SVIL: variants seen among roughly 807,000 people sequenced by gnomAD.
SVIL encodes supervillin, also known as archvillin.
A neutral mutation model predicts 240.4 loss-of-function variants in SVIL; 101 were observed. That is an observed-to-expected ratio of 0.42 (90% CI 0.36 to 0.50). SVIL has a LOEUF of 0.50. SVIL is among the 20% of genes least tolerant of loss of function. SVIL has a pLI of 0.01. For missense variants in SVIL, 2,512 were observed against 2,818.7 expected, an observed-to-expected ratio of 0.89 and a Z score of 2.46; for synonymous variants, 999 against 1,100.0, an observed-to-expected ratio of 0.91 and a Z score of 1.82.
At chr10:29,654,677 C>T (rs1958943822) in intron 3 of SVIL, among the ~76,000 whole-genome samples, 1 of 152,050 alleles carries the variant, frequency 6.6e-6, no homozygotes, top group South Asian at 2.1e-4. Flanking sequence ...CTGAGAAGTC[C>T]CACAACCGGT....
intron 11 of SVIL, among the ~76,000 whole-genome samples, chr10:29,530,297 C>T (rs79614672): frequency 1.2e-5 from 1 of 80,758 alleles, no homozygotes; most frequent in Non-Finnish European, 3.3e-5. Flanking sequence ...GTATTGTTGT[C>T]AGAAGTGTAC....
At chr10:29,584,334 G>A (rs1160396186) in intron 1 of SVIL, among the ~76,000 whole-genome samples, 3 of 152,176 alleles carry the variant, frequency 2.0e-5, no homozygotes, top group African/African-American at 7.2e-5. Flanking sequence ...GGGGTTCAGG[G>A]TTCCAAGCTA....
intron 1 of SVIL, among the ~76,000 whole-genome samples, chr10:29,586,517 C>G (rs7069037): frequency 3.2e-4 from 48 of 152,246 alleles, no homozygotes; most frequent in African/African-American, 1.1e-3. Context: ...ACGCAGGTCC[C>G]TTGGCTCCTA....
intron 3 of SVIL, among the ~76,000 whole-genome samples, chr10:29,657,692 G>C (rs1010377983): frequency 6.6e-6 from 1 of 152,152 alleles, no homozygotes; most frequent in African/African-American, 2.4e-5. Context: ...AAGCTTTCCT[G>C]TTCTTTCCTG....
chr10:29,714,971 G>GA (rs1191879476), intron 1 of SVIL, among the ~76,000 whole-genome samples: 2 of 133,038 alleles, frequency 1.5e-5, no homozygotes, highest in African/African-American at 5.6e-5. Flanking sequence ...AAAAAAAGAA[G>GA]AAAAAGAAAA....
chr10:29,608,368 G>A (rs1357088037), intron 1 of SVIL, among the ~76,000 whole-genome samples: 1 of 152,244 alleles, frequency 6.6e-6, no homozygotes, highest in Non-Finnish European at 1.5e-5. Context: ...GCTGCAGTGG[G>A]GAAGCCATGG....
chr10:29,658,536 T>G (rs773075418), intron 2 of SVIL, among the ~76,000 whole-genome samples: 6 of 152,214 alleles, frequency 3.9e-5, no homozygotes, highest in Admixed American at 6.5e-5. Flanking sequence ...GTGGGAGGAC[T>G]GCTTGAGGCC....
At chr10:29,713,298 A>G (rs559872960) in intron 1 of SVIL, among the ~76,000 whole-genome samples, 1 of 150,020 alleles carries the variant, frequency 6.7e-6, no homozygotes, top group South Asian at 2.1e-4. Context: ...GTGCATGTGA[A>G]CGTGGTCTAT....
At chr10:29,629,476 A>G (rs1043871183) in intron 1 of SVIL, among the ~76,000 whole-genome samples, 1 of 152,134 alleles carries the variant, frequency 6.6e-6, no homozygotes, top group Non-Finnish European at 1.5e-5. Flanking sequence ...TGCAGTAACA[A>G]GACTGCAGGT....
chr10:29,708,244 T>G (rs1589554188), intron 1 of SVIL, among the ~76,000 whole-genome samples: 4 of 105,444 alleles, frequency 3.8e-5, no homozygotes, highest in Admixed American at 1.4e-4. Context: ...GGAGACAGAG[T>G]GAGACTCCAT....
At chr10:29,529,175 CAAAAAAAAAAAAAAAA>C (rs66523560) in intron 12 of SVIL, among the ~76,000 whole-genome samples, 1 of 66,070 alleles carries the variant, frequency 1.5e-5, no homozygotes, top group Non-Finnish European at 2.8e-5. Context: ...GACTCTCTCT[CAAAAAAAAAAAAAAAA>C]AAAAAAAAAA....
At chr10:29,698,725 A>C (rs1201183241) in intron 1 of SVIL, among the ~76,000 whole-genome samples, 2 of 147,298 alleles carry the variant, frequency 1.4e-5, no homozygotes, top group African/African-American at 2.5e-5. Context: ...AAAAAAAAAG[A>C]AGCAAATTTT....
intron 1 of SVIL, among the ~76,000 whole-genome samples, chr10:29,583,768 G>A (rs529937488): frequency 1.3e-5 from 2 of 152,310 alleles, no homozygotes; most frequent in Admixed American, 1.3e-4. Flanking sequence ...CAGATCCCGT[G>A]CTCACAGTGC....
At chr10:29,568,291 G>A (rs1182042815) in intron 2 of SVIL, among the ~76,000 whole-genome samples, 1 of 151,848 alleles carries the variant, frequency 6.6e-6, no homozygotes, top group Non-Finnish European at 1.5e-5. Context: ...CATCCAGGGT[G>A]TTTACAAGAT....
At chr10:29,658,533 G>A (rs1038810268) in intron 2 of SVIL, among the ~76,000 whole-genome samples, 3 of 152,198 alleles carry the variant, frequency 2.0e-5, no homozygotes, top group Non-Finnish European at 2.9e-5. Context: ...GAAGTGGGAG[G>A]ACTGCTTGAG....
At chr10:29,633,228 C>T (rs2505911) in intron 1 of SVIL, among the ~76,000 whole-genome samples, 6,959 of 122,348 alleles carry the variant, frequency 0.057, 245 homozygotes, top group Non-Finnish European at 0.079. Context: ...CAGCACGAGA[C>T]TCCATCTCAA....
intron 3 of SVIL, among the ~76,000 whole-genome samples, chr10:29,655,553 C>T (rs1958973683): frequency 1.3e-5 from 2 of 152,174 alleles, no homozygotes; most frequent in Admixed American, 1.3e-4. Flanking sequence ...CTCTCCCACT[C>T]CACCAACTCA....
chr10:29,596,103 G>A (rs539461417), intron 1 of SVIL, among the ~76,000 whole-genome samples: 1 of 152,306 alleles, frequency 6.6e-6, no homozygotes, highest in African/African-American at 2.4e-5. Flanking sequence ...TCTCCTTCAC[G>A]AGGATTCCTT....
intron 3 of SVIL, among the ~76,000 whole-genome samples, chr10:29,645,717 G>A (rs929196802): frequency 6.6e-6 from 1 of 152,190 alleles, no homozygotes; most frequent in Non-Finnish European, 1.5e-5. Flanking sequence ...CCCTCCCATA[G>A]AGACTCAGGC....
Sources: gnomAD v4.1 joint callset for allele counts (sites outside exome capture counted in the v4.1 genomes callset) on GRCh38, gnomAD v4.1.1 for gene constraint, MANE v1.5 for transcripts, NCBI Gene and HGNC (gene_info 2026-07-23, HGNC 2026-07-21) for gene names.